Variants in PRKG1 observed in about 807,000 individuals in gnomAD.
PRKG1 encodes cGMP-dependent protein kinase 1.
In PRKG1, 35 loss-of-function variants were observed where a neutral mutation model predicts 88.1. The observed-to-expected ratio is 0.40, with a 90% CI of 0.30 to 0.53. The LOEUF (loss-of-function observed/expected upper bound fraction) is 0.53. Among genes scored for constraint, PRKG1 ranks in the 20% least tolerant of loss-of-function variants. PRKG1 has a pLI of 0.59. For missense variants in PRKG1, 540 were observed against 839.8 expected (o/e 0.64, Z 4.41); for synonymous variants, 303 against 292.5 (o/e 1.04, Z -0.37).
At chr10:51,601,884 T>C (rs1028782805) in intron 3 of PRKG1, among the ~76,000 whole-genome samples, 6 of 151,814 alleles carry the variant, frequency 4.0e-5, no homozygotes, top group Admixed American at 3.9e-4. Context: ...AATCAGGTTA[T>C]AGATGATAAT....
intron 5 of PRKG1, among the ~76,000 whole-genome samples, chr10:52,007,742 T>A (rs769366291): frequency 4.6e-5 from 7 of 152,090 alleles, no homozygotes; most frequent in Admixed American, 6.6e-5. Flanking sequence ...ACAAAAATAT[T>A]CAGGACTTGA....
At chr10:52,126,866 T>C (rs1847943004) in intron 7 of PRKG1, among the ~76,000 whole-genome samples, 1 of 152,188 alleles carries the variant, frequency 6.6e-6, no homozygotes, top group African/African-American at 2.4e-5. Context: ...GGAAAGGTGA[T>C]AGATCAGACA....
chr10:51,353,563 T>C lies in PRKG1; in HGVS notation c.479-114160T>C, dbSNP rs1223666807. Among the ~76,000 whole-genome samples, 11 of 152,188 alleles carry C rather than the reference T, an allele frequency of 7.2e-5. No homozygotes were observed. The East Asian group carries it at 2.1e-3, about 29-fold the overall frequency. On this transcript the variant is annotated intron_variant, in intron 2 of 17. Transcript: ENST00000373980. ...CATATGAAAAAGTGATCAACATCACTGATCATCAGAGAAATACAAACGCTA... is the reference window on the plus strand; with the variant it reads ...CATATGAAAAAGTGATCAACATCACCGATCATCAGAGAAATACAAACGCTA...
Position 51,007,726 on chromosome 10 carries a change from G to A in PRKG1, c.266+16082G>A, listed in dbSNP as rs77246180. On this transcript the variant is annotated intron_variant, in intron 1 of 17. Coordinates refer to the PRKG1 transcript ENST00000401604. ...TGTTGTAAGCATGCCCTAAACAATG[G>A]CCATTGCTTCTGTAGTTTTAATATT... 3.6e-3 allele frequency among the ~76,000 whole-genome samples: 552 copies of A among 152,298 alleles called. 1 individual carries two copies. The highest frequency in any genetic ancestry group is 0.012 in the African/African-American group (499 of 41,552).
At chr10:52,262,633 C>T (rs1029165219) in intron 10 of PRKG1, among the ~76,000 whole-genome samples, 1 of 151,996 alleles carries the variant, frequency 6.6e-6, no homozygotes, top group Non-Finnish European at 1.5e-5. Flanking sequence ...TTGCATACAA[C>T]CACAGTTGGT....
intron 8 of PRKG1, among the ~76,000 whole-genome samples, chr10:52,139,615 C>A (rs1247306758): frequency 6.6e-6 from 1 of 152,052 alleles, no homozygotes; most frequent in Non-Finnish European, 1.5e-5. Context: ...ACCCAGAGTG[C>A]CAAATGGGAT....
intron 2 of PRKG1, among the ~76,000 whole-genome samples, chr10:51,292,385 A>G (rs1840604564): frequency 6.6e-6 from 1 of 152,202 alleles, no homozygotes; most frequent in African/African-American, 2.4e-5. Context: ...GACTTGTCCG[A>G]TTTTTTAGGA....
At position 52,166,797 on chromosome 10, in the gene PRKG1, A is replaced by ATATATGTATATATATG. The variant is rs1564498359; in HGVS notation, c.1076+4834_1076+4835insTATATGTATATATATG. 3.1e-4 allele frequency among the ~76,000 whole-genome samples: 7 copies of ATATATGTATATATATG among 22,684 alleles called. 1 individual carries two copies. The highest frequency in any genetic ancestry group is 2.9e-3 in the Admixed American group (5 of 1,716). 14.9% of individuals were successfully genotyped at this position (22,684 alleles called of 152,430 possible). On this transcript the variant is annotated intron_variant, in intron 9 of 17. Transcript: ENST00000373980. ...TTCAAATAAAAAAGCCTATATATATACATATATATATGTATATATATGTAT... is the reference window on the plus strand; with the variant it reads ...TTCAAATAAAAAAGCCTATATATATATATATGTATATATATGCATATATATATGTATATATATGTAT...
At chr10:52,293,343 A>C (rs1405009093) in intron 17 of PRKG1, among the ~76,000 whole-genome samples, 1 of 151,646 alleles carries the variant, frequency 6.6e-6, no homozygotes, top group East Asian at 1.9e-4. Flanking sequence ...TGCCCAAGGT[A>C]ATTTATAGAT....
At chr10:52,194,247 A>G (rs1839448686) in intron 9 of PRKG1, among the ~76,000 whole-genome samples, 2 of 152,148 alleles carry the variant, frequency 1.3e-5, no homozygotes, top group Admixed American at 1.3e-4. Flanking sequence ...CTATTATTCT[A>G]TATCATTTAT....
chr10:51,010,580 T>C (rs1217004501), intron 1 of PRKG1, among the ~76,000 whole-genome samples: 4 of 152,230 alleles, frequency 2.6e-5, no homozygotes, highest in Non-Finnish European at 5.9e-5. Flanking sequence ...CATGAAATAA[T>C]ACTTGCTTTA....
intron 1 of PRKG1, among the ~76,000 whole-genome samples, chr10:51,096,191 G>A (rs1323113793): frequency 6.6e-6 from 1 of 151,996 alleles, no homozygotes; most frequent in Non-Finnish European, 1.5e-5. Context: ...GGAAAGAGGA[G>A]GGAGGTGAAA....
At chr10:51,127,621 G>A (rs1047612043) in intron 1 of PRKG1, among the ~76,000 whole-genome samples, 1 of 152,082 alleles carries the variant, frequency 6.6e-6, no homozygotes, top group Non-Finnish European at 1.5e-5. Context: ...TATACCCAAA[G>A]GAATATACAT....
intron 1 of PRKG1, among the ~76,000 whole-genome samples, chr10:51,052,438 G>A (rs1843574513): frequency 6.6e-6 from 1 of 152,142 alleles, no homozygotes; most frequent in Non-Finnish European, 1.5e-5. Context: ...AAACAGATGT[G>A]CACAAATTCT....
intron 2 of PRKG1, among the ~76,000 whole-genome samples, chr10:51,361,642 T>C (rs1385414068): frequency 6.6e-6 from 1 of 151,866 alleles, no homozygotes; most frequent in African/African-American, 2.4e-5. Context: ...ACCTATCTCA[T>C]GCATGATAAT....
At chr10:52,031,128 AATAAG>A (rs2133209603) in intron 5 of PRKG1, among the ~76,000 whole-genome samples, 1 of 152,284 alleles carries the variant, frequency 6.6e-6, no homozygotes, top group Non-Finnish European at 1.5e-5. Flanking sequence ...TGTGAAATAG[AATAAG>A]ATAAAATGAT....
chr10:51,601,721 A>ATTTTTTTTTTTTT (rs749205610), intron 3 of PRKG1, among the ~76,000 whole-genome samples: 6 of 43,574 alleles, frequency 1.4e-4, no homozygotes, highest in Non-Finnish European at 2.3e-4. Flanking sequence ...GGCAGATTGA[A>ATTTTTTTTTTTTT]TTTTTTTTTT....
intron 3 of PRKG1, among the ~76,000 whole-genome samples, chr10:51,747,645 T>C (rs927454146): frequency 6.6e-6 from 1 of 152,178 alleles, no homozygotes; most frequent in African/African-American, 2.4e-5. Context: ...AATTCTTTGA[T>C]TTTTTTTCTT....
chr10:51,818,726 G>GCTGGATAAATTATAAA (rs1554844682), intron 4 of PRKG1, among the ~76,000 whole-genome samples: 2 of 141,068 alleles, frequency 1.4e-5, no homozygotes, highest in East Asian at 2.1e-4. Context: ...AATACCAGAG[G>GCTGGATAAATTATAAA]GCCGGGCGCG....
Sources: allele counts gnomAD v4.1 joint callset (sites outside exome capture counted in the v4.1 genomes callset), GRCh38; gene constraint gnomAD v4.1.1; transcripts MANE v1.5; gene names NCBI Gene and HGNC (gene_info 2026-07-23, HGNC 2026-07-21).